Variants in CCDC174 observed in about 807,000 individuals in gnomAD.
The protein encoded by CCDC174 is coiled-coil domain-containing protein 174.
CCDC174 carries 37 observed loss-of-function variants against 57.1 expected under a neutral mutation model. That is an observed-to-expected ratio of 0.65 (90% CI 0.50 to 0.85). The LOEUF is 0.85. Ranked by LOEUF, CCDC174 falls within the 40% of genes least tolerant of loss-of-function variation. The pLI, the probability that CCDC174 is intolerant of heterozygous loss-of-function variation, is 0.00. For missense variants in CCDC174, 540 were observed against 574.3 expected, an observed-to-expected ratio of 0.94 and a Z score of 0.61; for synonymous variants, 182 against 190.2, an observed-to-expected ratio of 0.96 and a Z score of 0.35.
chr3:14,660,200 G>T (rs1453260765), intron 4 of CCDC174, among the ~76,000 whole-genome samples: 1 of 152,174 alleles, frequency 6.6e-6, no homozygotes, highest in Non-Finnish European at 1.5e-5. Flanking sequence ...GTATTTCATG[G>T]TTTTAAAAAA....
chr3:14,654,506 T>A lies in CCDC174; in HGVS notation c.123T>A (p.Phe41Leu), dbSNP rs751380821. 5 of 1,586,370 alleles carry A rather than the reference T, an allele frequency of 3.2e-6. No individual in the cohort carries two copies. The African/African-American group carries it at 6.7e-5, about 21-fold the overall frequency. Residue 41 changes from phenylalanine to leucine, a missense_variant, in exon 2 of 11, where the codon TTT (phenylalanine) becomes TTA (leucine). Transcript: ENST00000383794. Reference protein sequence around the residue: ...QEKLLKDSGVFGKPKTTNKKP... With the variant: ...QEKLLKDSGVLGKPKTTNKKP... ...AACTTCTAAAAGATTCTGGAGTTTT[T>A]GGAAAACCAAAAACAACTAACAAGG...
chr3:14,662,526 A>G (rs1419051624), intron 5 of CCDC174, among the ~76,000 whole-genome samples: 1 of 152,196 alleles, frequency 6.6e-6, no homozygotes, highest in Non-Finnish European at 1.5e-5. Context: ...AGAGACCAGA[A>G]TGGGAATTCT....
At chr3:14,663,207 A>G (rs535260861) in intron 5 of CCDC174, among the ~76,000 whole-genome samples, 47 of 151,940 alleles carry the variant, frequency 3.1e-4, no homozygotes, top group Admixed American at 3.1e-3. Flanking sequence ...AGGTCTCACT[A>G]TGTTGCCTAG....
At chr3:14,667,381 A>C in intron 7 of CCDC174, 43 bp from the exon 8 acceptor site, 1 of 1,460,450 alleles carries the variant, frequency 6.8e-7, no homozygotes, top group East Asian at 2.3e-5. Context: ...TAGTTGAATG[A>C]TCAGGACAGT....
chr3:14,666,787 GCT>G lies in CCDC174; in HGVS notation c.582-15_582-14del. ...CAATCCTTATCTGAAGATAGTTTTT[GCT>G]CTGTTTTCCTGCTAGTTTTATTAGT... On this transcript the variant is annotated splice_polypyrimidine_tract_variant and intron_variant, in intron 6 of 10. Transcript: ENST00000383794. The G allele has an allele frequency of 5.1e-6, 8 of 1,563,104 alleles. No homozygotes were observed. Among genetic ancestry groups the G allele is most frequent in the Non-Finnish European group, 6.9e-6 (8 of 1,161,638 alleles).
chr3:14,666,976 A>G, intron 7 of CCDC174, 29 bp downstream of exon 7: 2 of 1,561,156 alleles, frequency 1.3e-6, no homozygotes, highest in Non-Finnish European at 1.7e-6. Context: ...AGCTTTGCAA[A>G]TCTTATTTTT....
chr3:14,652,942 C>G (rs1352007625), intron 1 of CCDC174, among the ~76,000 whole-genome samples: 1 of 151,800 alleles, frequency 6.6e-6, no homozygotes, highest in African/African-American at 2.4e-5. Flanking sequence ...AGTGATAGAC[C>G]CTTTCTCACT....
chr3:14,659,997 C>T lies in CCDC174; in HGVS notation c.307+1068C>T, dbSNP rs112929081. Among the ~76,000 whole-genome samples, 191 of 152,230 alleles carry T rather than the reference C, an allele frequency of 1.3e-3. 1 individual carries two copies. The highest frequency in any genetic ancestry group is 4.2e-3 in the African/African-American group (174 of 41,532). The stretch of plus-strand genomic sequence containing the variant: ...GCCAGGCTGGTCCTAGGTCCCTGAC[C>T]GCTTCTTCCCAGACAGCAGGGGCAC... On this transcript the variant is annotated intron_variant, in intron 4 of 10. Coordinates refer to ENST00000383794, the MANE Select transcript of CCDC174 (RefSeq NM_016474.5).
intron 1 of CCDC174, among the ~76,000 whole-genome samples, chr3:14,654,203 G>A (rs985048102): frequency 6.6e-6 from 1 of 152,216 alleles, no homozygotes; most frequent in Non-Finnish European, 1.5e-5. Flanking sequence ...TTGAAAGTCA[G>A]AGTAAAAATG....
At chr3:14,654,774 A>C (rs1240408535) in intron 2 of CCDC174, among the ~76,000 whole-genome samples, 1 of 152,254 alleles carries the variant, frequency 6.6e-6, no homozygotes, top group Non-Finnish European at 1.5e-5. Flanking sequence ...TTTACATTTC[A>C]TAAACAGATG....
chr3:14,656,652 A>T (rs1002036756), intron 3 of CCDC174, among the ~76,000 whole-genome samples: 1 of 152,204 alleles, frequency 6.6e-6, no homozygotes, highest in Admixed American at 6.5e-5. Flanking sequence ...TGAAGTGGGA[A>T]ATTTGGAGAC....
chr3:14,663,160 C>T (rs944434307), intron 5 of CCDC174, among the ~76,000 whole-genome samples: 1 of 152,178 alleles, frequency 6.6e-6, no homozygotes, highest in Non-Finnish European at 1.5e-5. Context: ...CTGAAGCAAT[C>T]CTCCTGCCTC....
At chr3:14,664,377 C>T (rs553203167) in intron 5 of CCDC174, among the ~76,000 whole-genome samples, 1 of 152,260 alleles carries the variant, frequency 6.6e-6, no homozygotes, top group East Asian at 1.9e-4. Context: ...TTTTCATGAA[C>T]ATCTGTCCGT....
At chr3:14,659,127 C>T (rs1575069463) in intron 4 of CCDC174, among the ~76,000 whole-genome samples, 198 bp downstream of exon 4, 2 of 152,102 alleles carry the variant, frequency 1.3e-5, no homozygotes, top group Admixed American at 6.5e-5. Context: ...ATGTTAGGTG[C>T]CTGGAAGGGA....
At chr3:14,652,474 A>G (rs1334561986) in intron 1 of CCDC174, among the ~76,000 whole-genome samples, 1 of 152,242 alleles carries the variant, frequency 6.6e-6, no homozygotes, top group Non-Finnish European at 1.5e-5. Flanking sequence ...ATTTTGTGCC[A>G]GCACTTTATA....
intron 8 of CCDC174, 21 bp from the exon 9 acceptor site, chr3:14,668,028 A>T: frequency 6.4e-7 from 1 of 1,550,780 alleles, no homozygotes; most frequent in East Asian, 2.3e-5. Flanking sequence ...CAAGCAAATA[A>T]TTTTCTGATT....
chr3:14,666,638 G>A (rs1170679847), intron 6 of CCDC174, among the ~76,000 whole-genome samples, 167 bp from the exon 7 acceptor site: 1 of 151,474 alleles, frequency 6.6e-6, no homozygotes, highest in African/African-American at 2.4e-5. Context: ...AAAAAAAGGC[G>A]AAGGCTGTTT....
intron 9 of CCDC174, 98 bp from the exon 10 acceptor site, chr3:14,669,836 T>G: frequency 8.1e-7 from 1 of 1,235,190 alleles, no homozygotes; most frequent in Non-Finnish European, 1.2e-6. Flanking sequence ...TCATAAATAC[T>G]GATGGTTACT....
intron 3 of CCDC174, among the ~76,000 whole-genome samples, chr3:14,655,985 G>T (rs1476971516): frequency 2.0e-5 from 3 of 151,974 alleles, no homozygotes; most frequent in Non-Finnish European, 4.4e-5. Context: ...AACTTCAAGG[G>T]TACATAGAAC....
Sources: allele counts gnomAD v4.1 joint callset (sites outside exome capture counted in the v4.1 genomes callset), GRCh38; gene constraint gnomAD v4.1.1; transcripts MANE v1.5; gene names NCBI Gene and HGNC (gene_info 2026-07-23, HGNC 2026-07-21).